Variants in LITAF observed in about 807,000 individuals in gnomAD.
LITAF encodes the protein lipopolysaccharide-induced tumor necrosis factor-alpha factor.
In LITAF, 9 loss-of-function variants were observed where a neutral mutation model predicts 14.5. The observed-to-expected ratio is 0.62, with a 90% CI of 0.37 to 1.08. The LOEUF (loss-of-function observed/expected upper bound fraction) is 1.08. Among genes scored for constraint, LITAF ranks in the 50% least tolerant of loss-of-function variants. The pLI, the probability that LITAF is intolerant of heterozygous loss-of-function variation, is 0.01. For synonymous variants in LITAF, 98 were observed against 88.2 expected (o/e 1.11, Z -0.62); for missense variants, 206 against 213.4 (o/e 0.97, Z 0.22).
intron 1 of LITAF, among the ~76,000 whole-genome samples, chr16:11,583,538 C>T (rs373786671): frequency 1.3e-5 from 2 of 152,188 alleles, no homozygotes; most frequent in Non-Finnish European, 2.9e-5. Context: ...AGACAGAAGC[C>T]GCCCGATAAG....
chr16:11,599,604 C>G (rs2064915005), upstream of LITAF, among the ~76,000 whole-genome samples: 1 of 152,064 alleles, frequency 6.6e-6, no homozygotes, highest in Non-Finnish European at 1.5e-5. Context: ...TGACACAAAC[C>G]ACCCCCTACC....
chr16:11,617,738 T>C (rs1174532658), intron 3 of LITAF, among the ~76,000 whole-genome samples: 1 of 152,106 alleles, frequency 6.6e-6, no homozygotes, highest in Non-Finnish European at 1.5e-5. Flanking sequence ...ATGGTTTCAA[T>C]CTTTCAGGCA....
At chr16:11,592,795 G>C (rs973987693) in intron 1 of LITAF, among the ~76,000 whole-genome samples, 5 of 152,080 alleles carry the variant, frequency 3.3e-5, no homozygotes, top group African/African-American at 1.2e-4. Flanking sequence ...TAACACTTTG[G>C]GAGGCCGAGG....
Position 11,603,767 on chromosome 16 carries a change from G to A in LITAF, c.85+29766C>T, listed in dbSNP as rs146366086. On this transcript the variant is annotated intron_variant, in intron 3 of 3. Coordinates refer to the LITAF transcript ENST00000574848. ...CACATTTAAGAATCCACTAGAGGCCGGGCGCAGGGGCTCACGCCTGTAATC... is the reference window on the plus strand; with the variant it reads ...CACATTTAAGAATCCACTAGAGGCCAGGCGCAGGGGCTCACGCCTGTAATC... Among the ~76,000 whole-genome samples, 790 of 152,306 alleles carry A rather than the reference G, an allele frequency of 5.2e-3. 3 individuals carry two copies. The highest frequency in any genetic ancestry group is 0.018 in the African/African-American group (753 of 41,562).
intron 1 of LITAF, among the ~76,000 whole-genome samples, chr16:11,577,389 C>T (rs2064656886): frequency 6.7e-6 from 1 of 148,322 alleles, no homozygotes; most frequent in Non-Finnish European, 1.5e-5. Context: ...ACAATCTCGG[C>T]TCACTGCAAG....
chr16:11,553,046 C>T lies in LITAF; in HGVS notation c.377+487G>A, dbSNP rs570272069. 1.7e-4 allele frequency among the ~76,000 whole-genome samples: 26 copies of T among 152,140 alleles called. No individual in the cohort carries two copies. Among genetic ancestry groups the T allele is most frequent in the Non-Finnish European group, 3.2e-4 (22 of 67,974 alleles). On this transcript the variant is annotated intron_variant, in intron 3 of 3. Coordinates refer to ENST00000622633, the MANE Select transcript of LITAF (RefSeq NM_001136472.2). This position sits in a 1 kb window ranked among gnomAD's most constrained non-coding sequence, Gnocchi z 7.7. The stretch of plus-strand genomic sequence containing the variant: ...AGGAGAATAGCTTGAACCTGGGAGG[C>T]GGAGGTTGCAGTGAGCCGGGATCGT...
At chr16:11,623,271 T>C (rs2065062542) in intron 3 of LITAF, among the ~76,000 whole-genome samples, 1 of 151,992 alleles carries the variant, frequency 6.6e-6, no homozygotes, top group Non-Finnish European at 1.5e-5. Flanking sequence ...GAATATATTT[T>C]TTAGATAGCA....
chr16:11,595,712 G>A (rs1034860177), intron 1 of LITAF, among the ~76,000 whole-genome samples: 4 of 152,182 alleles, frequency 2.6e-5, no homozygotes, highest in Non-Finnish European at 5.9e-5. Flanking sequence ...CTGGGCGACA[G>A]AGTGAGACTC....
intron 3 of LITAF, among the ~76,000 whole-genome samples, chr16:11,621,420 G>A (rs1320597731): frequency 6.6e-6 from 1 of 152,112 alleles, no homozygotes; most frequent in African/African-American, 2.4e-5. Flanking sequence ...GCCCAGGCTG[G>A]TCTTTAACTC....
At chr16:11,575,573 G>C (rs1195410807) in intron 1 of LITAF, 1 of 152,194 alleles carries the variant, frequency 6.6e-6, no homozygotes, top group East Asian at 1.9e-4. Context: ...AAAACCCCCA[G>C]GGGGATTCAA....
chr16:11,630,954 G>T (rs540342185), intron 3 of LITAF, among the ~76,000 whole-genome samples: 2 of 152,160 alleles, frequency 1.3e-5, no homozygotes, highest in South Asian at 2.1e-4. Context: ...CAGTAGCCAC[G>T]ATAACAGCAG....
chr16:11,574,773 C>T (rs866372136), intron 1 of LITAF, among the ~76,000 whole-genome samples: 2 of 149,142 alleles, frequency 1.3e-5, no homozygotes, highest in Middle Eastern at 3.4e-3. Context: ...AAAATTTGCA[C>T]TAACAACATC....
intron 3 of LITAF, among the ~76,000 whole-genome samples, chr16:11,608,206 G>A (rs900070265): frequency 6.6e-6 from 1 of 152,206 alleles, no homozygotes; most frequent in Non-Finnish European, 1.5e-5. Flanking sequence ...GAAGCTGAGC[G>A]AGTGGCCCAA....
At chr16:11,621,572 C>T (rs118147687) in intron 3 of LITAF, among the ~76,000 whole-genome samples, 2,944 of 152,286 alleles carry the variant, frequency 0.019, 46 homozygotes, top group Non-Finnish European at 0.028. Context: ...ATTAACCCCC[C>T]TCAGAAGCAG....
At chr16:11,627,361 G>A (rs2065090235) in intron 3 of LITAF, among the ~76,000 whole-genome samples, 1 of 152,220 alleles carries the variant, frequency 6.6e-6, no homozygotes, top group South Asian at 2.1e-4. Flanking sequence ...ACAGAGAACA[G>A]CCAGGCTTGG....
upstream of LITAF, among the ~76,000 whole-genome samples, chr16:11,637,986 A>ATATATATCTATATATATCTATATATATC (rs2065146980): frequency 1.9e-5 from 1 of 53,870 alleles, no homozygotes; most frequent in Non-Finnish European, 3.3e-5. Context: ...ATATATATCT[A>ATATATATCTATATATATCTATATATATC]TATATATCTA....
upstream of LITAF, among the ~76,000 whole-genome samples, chr16:11,639,936 G>A (rs915218823): frequency 5.9e-5 from 9 of 152,078 alleles, no homozygotes; most frequent in African/African-American, 1.9e-4. Context: ...CACCATGCCC[G>A]GATAATTTTT....
At chr16:11,587,557 T>A (rs2064821571), upstream of LITAF, 2 of 409,346 alleles carry the variant, frequency 4.9e-6, no homozygotes, top group Non-Finnish European at 9.9e-6. Context: ...ATGGTAAAGT[T>A]TTTAGCACAG....
chr16:11,624,474 A>G (rs2065071301), intron 3 of LITAF, among the ~76,000 whole-genome samples: 1 of 152,216 alleles, frequency 6.6e-6, no homozygotes, highest in South Asian at 2.1e-4. Flanking sequence ...GGTAGTTACT[A>G]TCCTCAGAAG....
Sources: allele counts gnomAD v4.1 joint callset (sites outside exome capture counted in the v4.1 genomes callset), GRCh38; gene constraint gnomAD v4.1.1; non-coding constraint Gnocchi (gnomAD v3.1); transcripts MANE v1.5; gene names NCBI Gene and HGNC (gene_info 2026-07-23, HGNC 2026-07-21).